The following BAZ2B variants were observed in gnomAD, a reference collection of about 807,000 sequenced individuals.
The protein encoded by BAZ2B is bromodomain adjacent to zinc finger domain protein 2B.
In BAZ2B, 91 loss-of-function variants were observed where a neutral mutation model predicts 246.0. That is an observed-to-expected ratio of 0.37 (90% CI 0.31 to 0.44). The LOEUF (loss-of-function observed/expected upper bound fraction) is 0.44. Ranked by LOEUF, BAZ2B falls within the 20% of genes least tolerant of loss-of-function variation. The probability of loss-of-function intolerance (pLI) is 1.00; values close to 1 mark genes in which losing one functional copy is unlikely to be tolerated. For missense variants in BAZ2B, 2,332 were observed against 2,533.7 expected, an observed-to-expected ratio of 0.92 and a Z score of 1.71; for synonymous variants, 855 against 860.0, an observed-to-expected ratio of 0.99 and a Z score of 0.10.
chr2:159,385,575 T>C (rs1054498625), intron 22 of BAZ2B, among the ~76,000 whole-genome samples: 8 of 151,956 alleles, frequency 5.3e-5, no homozygotes, highest in African/African-American at 1.9e-4. Context: ...CCGCTTCAAA[T>C]CCTTGGTTCC....
At chr2:159,414,467 T>G (rs1354191367) in intron 13 of BAZ2B, among the ~76,000 whole-genome samples, 1 of 152,064 alleles carries the variant, frequency 6.6e-6, no homozygotes, top group East Asian at 1.9e-4. Context: ...ATGCTTGAGG[T>G]GATGAATACC....
At chr2:159,378,190 T>C (rs1201447928) in intron 25 of BAZ2B, among the ~76,000 whole-genome samples, 3 of 152,234 alleles carry the variant, frequency 2.0e-5, no homozygotes, top group East Asian at 1.9e-4. Flanking sequence ...ATGAAGCAGA[T>C]TGCTTATAAA....
At chr2:159,339,279 C>T (rs2066216132) in intron 31 of BAZ2B, among the ~76,000 whole-genome samples, 1 of 152,226 alleles carries the variant, frequency 6.6e-6, no homozygotes, top group African/African-American at 2.4e-5. Context: ...TCACCAGCAA[C>T]ATCCCAAAAT....
At chr2:159,517,854 TCAC>T (rs2083594980) in intron 2 of BAZ2B, among the ~76,000 whole-genome samples, 1 of 152,160 alleles carries the variant, frequency 6.6e-6, no homozygotes, top group Non-Finnish European at 1.5e-5. Context: ...ACATCACTAA[TCAC>T]CACCTTTACT....
At position 159,457,246 on chromosome 2, in the gene BAZ2B, A is replaced by G. The variant is rs181409760; in HGVS notation, c.146-3445T>C. Among the ~76,000 whole-genome samples the G allele has an allele frequency of 1.3e-3, 203 of 152,340 alleles. 1 individual carries two copies. The highest frequency in any genetic ancestry group is 4.7e-3 in the African/African-American group (194 of 41,586). ...ACCTCAAGGAACTCATGTTTTGAGC[A>G]TAATTTAAACAGTGCAAGACTATTT... On this transcript the variant is annotated intron_variant, in intron 3 of 36. Coordinates refer to ENST00000392783, the MANE Select transcript of BAZ2B (RefSeq NM_013450.4).
intron 2 of BAZ2B, among the ~76,000 whole-genome samples, chr2:159,548,181 G>A (rs1301952888): frequency 2.6e-5 from 4 of 152,082 alleles, no homozygotes; most frequent in African/African-American, 4.8e-5. Flanking sequence ...TGTTTAGGAT[G>A]TATTTTATAA....
chr2:159,506,113 T>G (rs1020524105), intron 2 of BAZ2B, among the ~76,000 whole-genome samples: 8 of 151,982 alleles, frequency 5.3e-5, no homozygotes, highest in Non-Finnish European at 8.8e-5. Context: ...GGCTGGCAAG[T>G]TTACTATAAC....
chr2:159,577,428 C>T (rs1419397412), intron 1 of BAZ2B, among the ~76,000 whole-genome samples: 2 of 152,060 alleles, frequency 1.3e-5, no homozygotes, highest in African/African-American at 4.8e-5. Context: ...ATTATTTCTG[C>T]ATTAGTTACA....
At chr2:159,515,804 A>G (rs2083381405) in intron 2 of BAZ2B, among the ~76,000 whole-genome samples, 1 of 152,120 alleles carries the variant, frequency 6.6e-6, no homozygotes, top group Non-Finnish European at 1.5e-5. Flanking sequence ...CTCTTTGCTA[A>G]TTTAAGAATA....
intron 2 of BAZ2B, among the ~76,000 whole-genome samples, chr2:159,552,004 T>C (rs928330868): frequency 2.6e-5 from 4 of 152,204 alleles, no homozygotes; most frequent in African/African-American, 9.6e-5. Flanking sequence ...GCTACAGAAG[T>C]AGCAGAACAC....
chr2:159,438,981 T>C, intron 7 of BAZ2B, 28 bp downstream of exon 7: 1 of 1,599,140 alleles, frequency 6.3e-7, no homozygotes. Context: ...GAATAATGTT[T>C]GGATACTGTC....
the BAZ2B span, among the ~76,000 whole-genome samples, chr2:159,695,765 T>A: frequency 6.6e-6 from 1 of 151,866 alleles, no homozygotes; most frequent in East Asian, 1.9e-4. Flanking sequence ...TTTATTTTTA[T>A]TTTTTTTGAG....
At chr2:159,675,061 C>T in the BAZ2B span, among the ~76,000 whole-genome samples, 4 of 151,964 alleles carry the variant, frequency 2.6e-5, no homozygotes, top group South Asian at 2.1e-4. Flanking sequence ...CACACAAATA[C>T]GGAACTGGGG....
Position 159,363,162 on chromosome 2 carries a change from T to C in BAZ2B, c.4213+9883A>G, listed in dbSNP as rs188843388. Reference sequence around the variant, plus strand: ...TGACCTGGTTAAACAATGAGCAGTCTGGGTTGACTAATAACACTGGGGCTG... The same window carrying C: ...TGACCTGGTTAAACAATGAGCAGTCCGGGTTGACTAATAACACTGGGGCTG... On this transcript the variant is annotated intron_variant, in intron 27 of 36. Coordinates refer to ENST00000392783, the MANE Select transcript of BAZ2B (RefSeq NM_013450.4). Among the ~76,000 whole-genome samples the C allele has an allele frequency of 1.2e-4, 19 of 152,196 alleles. 1 individual carries two copies. The highest frequency in any genetic ancestry group is 2.4e-4 in the Non-Finnish European group (16 of 68,040).
At chr2:159,651,031 T>G in the BAZ2B span, among the ~76,000 whole-genome samples, 1 of 152,094 alleles carries the variant, frequency 6.6e-6, no homozygotes, top group African/African-American at 2.4e-5. Context: ...TGATAAAAAT[T>G]CCTTTTATTA....
the BAZ2B span, among the ~76,000 whole-genome samples, chr2:159,656,514 T>C: frequency 6.6e-6 from 1 of 152,166 alleles, no homozygotes; most frequent in Non-Finnish European, 1.5e-5. Context: ...CCTGAACCCC[T>C]TGACGACCAC....
chr2:159,343,653 C>T (rs2067156010), intron 31 of BAZ2B, among the ~76,000 whole-genome samples: 1 of 151,484 alleles, frequency 6.6e-6, no homozygotes, highest in Admixed American at 6.6e-5. Flanking sequence ...AAATGCTGAA[C>T]ATCACCACTC....
the BAZ2B span, among the ~76,000 whole-genome samples, chr2:159,706,211 G>A: frequency 1.3e-5 from 2 of 151,954 alleles, no homozygotes; most frequent in Non-Finnish European, 2.9e-5. Flanking sequence ...GCAGACAGAG[G>A]CAGAAGAGCC....
chr2:159,504,335 A>T (rs981715155), intron 2 of BAZ2B, among the ~76,000 whole-genome samples: 12 of 151,988 alleles, frequency 7.9e-5, no homozygotes, highest in South Asian at 2.1e-4. Context: ...AACCTTAAAA[A>T]TTTTTTTTAA....
Sources: gnomAD v4.1 joint callset for allele counts (sites outside exome capture counted in the v4.1 genomes callset) on GRCh38, gnomAD v4.1.1 for gene constraint, MANE v1.5 for transcripts, NCBI Gene and HGNC (gene_info 2026-07-23, HGNC 2026-07-21) for gene names.